Variants in BLTP1 observed in about 807,000 individuals in gnomAD.
The protein encoded by BLTP1 is fragile site-associated protein.
the BLTP1 span, among the ~76,000 whole-genome samples, chr4:122,160,016 G>C: frequency 6.6e-6 from 1 of 152,150 alleles, no homozygotes; most frequent in Non-Finnish European, 1.5e-5. Flanking sequence ...TTACCTAAGA[G>C]GATAATTGTT....
At chr4:122,238,427 C>A in the BLTP1 span, 1 of 1,188,642 alleles carries the variant, frequency 8.4e-7, no homozygotes, top group Non-Finnish European at 1.2e-6. Flanking sequence ...AGAAAAACTT[C>A]TTCCCTCTCC....
the BLTP1 span, chr4:122,243,802 A>T: frequency 1.4e-6 from 2 of 1,428,520 alleles, no homozygotes; most frequent in Non-Finnish European, 1.8e-6. Flanking sequence ...GGAAGCTCCA[A>T]CTTCTAATTC....
chr4:122,343,914 G>C, the BLTP1 span: 1 of 894,710 alleles, frequency 1.1e-6, no homozygotes, highest in Admixed American at 6.2e-5. Flanking sequence ...GCAAATCACT[G>C]TCCATTTATA....
At chr4:122,269,738 G>C in the BLTP1 span, 1 of 953,950 alleles carries the variant, frequency 1.0e-6, no homozygotes, top group Non-Finnish European at 1.2e-6. Context: ...GTAAAGCCAG[G>C]GCAGTTACTA....
the BLTP1 span, chr4:122,214,286 A>G: frequency 1.1e-6 from 1 of 931,866 alleles, no homozygotes; most frequent in Non-Finnish European, 1.3e-6. Flanking sequence ...ACCATTATGT[A>G]AAGAAAATTT....
the BLTP1 span, among the ~76,000 whole-genome samples, chr4:122,238,809 T>C: frequency 6.6e-6 from 1 of 152,214 alleles, no homozygotes; most frequent in African/African-American, 2.4e-5. Context: ...TCTTCCTCCT[T>C]TCTTTTTTCT....
At chr4:122,250,242 T>G in the BLTP1 span, 2 of 1,064,576 alleles carry the variant, frequency 1.9e-6, no homozygotes, top group South Asian at 1.8e-5. Context: ...TTTTATAGAT[T>G]AGGGCAAAGA....
the BLTP1 span, chr4:122,341,640 T>C: frequency 7.3e-6 from 7 of 961,474 alleles, no homozygotes; most frequent in African/African-American, 1.2e-4. Context: ...CCTCATTTTA[T>C]CATTATTTAT....
chr4:122,237,462 A>G, the BLTP1 span: 1 of 661,354 alleles, frequency 1.5e-6, no homozygotes, highest in Non-Finnish European at 1.9e-6. Context: ...GTGAATGAAA[A>G]ATGATACAGT....
chr4:122,245,306 ACT>A, the BLTP1 span, among the ~76,000 whole-genome samples: 1 of 152,192 alleles, frequency 6.6e-6, no homozygotes, highest in Non-Finnish European at 1.5e-5. Context: ...ATATAACTGT[ACT>A]ATAGATGGAA....
the BLTP1 span, among the ~76,000 whole-genome samples, chr4:122,156,952 A>G: frequency 2.0e-5 from 3 of 152,188 alleles, no homozygotes; most frequent in Non-Finnish European, 1.5e-5. Flanking sequence ...CTACTCTACA[A>G]AGTTTATGCA....
At chr4:122,347,748 G>C in the BLTP1 span, 3 of 1,613,538 alleles carry the variant, frequency 1.9e-6, no homozygotes, top group African/African-American at 4.0e-5. Flanking sequence ...TAAGATCAAG[G>C]AGTGTATCTG....
chr4:122,201,415 G>A, the BLTP1 span, among the ~76,000 whole-genome samples: 4 of 152,250 alleles, frequency 2.6e-5, no homozygotes, highest in South Asian at 8.3e-4. Context: ...GGATGGAGAT[G>A]ATGAATCAAT....
At chr4:122,236,602 C>T in the BLTP1 span, among the ~76,000 whole-genome samples, 9 of 152,138 alleles carry the variant, frequency 5.9e-5, no homozygotes, top group Non-Finnish European at 8.8e-5. Context: ...ATTGAAGCCA[C>T]TTTGTTGTTC....
the BLTP1 span, chr4:122,310,910 A>C: frequency 1.1e-6 from 1 of 935,716 alleles, no homozygotes; most frequent in South Asian, 5.0e-5. Flanking sequence ...CTATTATCCA[A>C]AAGACCAGTA....
the BLTP1 span, chr4:122,254,476 A>C: frequency 7.7e-7 from 1 of 1,306,016 alleles, no homozygotes; most frequent in Non-Finnish European, 1.0e-6. Flanking sequence ...CTTTTTCATC[A>C]TTCTTACTTC....
At chr4:122,198,436 G>T in the BLTP1 span, 1 of 985,192 alleles carries the variant, frequency 1.0e-6, no homozygotes, top group Non-Finnish European at 1.2e-6. Flanking sequence ...AGAGTTTTAC[G>T]CAATTGATAA....
the BLTP1 span, chr4:122,328,734 A>G: frequency 2.0e-6 from 2 of 984,102 alleles, no homozygotes; most frequent in African/African-American, 3.5e-5. Flanking sequence ...AAAAGTAGTA[A>G]AGGGAAATGG....
At chr4:122,176,031 G>T in the BLTP1 span, 1 of 596,914 alleles carries the variant, frequency 1.7e-6, no homozygotes, top group Non-Finnish European at 3.0e-6. Flanking sequence ...GCCAGTCACG[G>T]TGGCTTATGT....
Sources: gnomAD v4.1 joint callset for allele counts (sites outside exome capture counted in the v4.1 genomes callset) on GRCh38, gnomAD v4.1.1 for gene constraint, MANE v1.5 for transcripts, NCBI Gene and HGNC (gene_info 2026-07-23, HGNC 2026-07-21) for gene names.